The following NCKAP1L variants were observed in gnomAD, a reference collection of about 807,000 sequenced individuals.
NCKAP1L encodes the protein NCK associated protein 1 like, also known as nck-associated protein 1-like.
NCKAP1L carries 53 observed loss-of-function variants against 139.2 expected under a neutral mutation model. That is an observed-to-expected ratio of 0.38 (90% confidence interval 0.31 to 0.48). NCKAP1L has a LOEUF of 0.48. NCKAP1L is among the 20% of genes least tolerant of loss of function. The pLI, the probability that NCKAP1L is intolerant of heterozygous loss-of-function variation, is 0.98. For missense variants in NCKAP1L, 1,151 were observed against 1,381.9 expected, an observed-to-expected ratio of 0.83 and a Z score of 2.65; for synonymous variants, 468 against 499.7, an observed-to-expected ratio of 0.94 and a Z score of 0.85.
At chr12:54,538,652 A>G (rs1276433909) in intron 29 of NCKAP1L, among the ~76,000 whole-genome samples, 1 of 152,164 alleles carries the variant, frequency 6.6e-6, no homozygotes, top group East Asian at 1.9e-4. Context: ...TCTCTCCCCT[A>G]GCACTCCTGG....
chr12:54,520,907 T>C (rs1956977588), intron 17 of NCKAP1L, 81 bp downstream of exon 17: 1 of 1,590,010 alleles, frequency 6.3e-7, no homozygotes, highest in Non-Finnish European at 8.6e-7. Flanking sequence ...AGGGTTGATT[T>C]TGGTCCCAGA....
rs770857883 is a variant in NCKAP1L, at chr12:54,526,589, C to T, written c.2218C>T (p.Leu740=). 3.7e-6 allele frequency: 6 copies of T among 1,613,936 alleles called. No homozygotes were observed. In the East Asian group the frequency reaches 1.1e-4, roughly 30 times the overall value. The change falls in exon 21 of 31, where the codon CTG becomes TTG. Residue 740 remains leucine (L), a synonymous_variant. Transcript: ENST00000293373. ...TTQEIVRPSE[L]LAGVKAYIGF... ...CCAGGAGATCGTACGGCCTTCTGAG[C>T]TGTTGGCAGGAGTCAAAGCATACAT...
intron 13 of NCKAP1L, among the ~76,000 whole-genome samples, chr12:54,518,297 G>A (rs554321378): frequency 2.0e-5 from 3 of 151,710 alleles, no homozygotes; most frequent in East Asian, 3.9e-4. Context: ...AGCCGAGATC[G>A]CGCCACTGCA....
At chr12:54,510,077 C>G in intron 7 of NCKAP1L, 92 bp downstream of exon 7, 1 of 1,462,030 alleles carries the variant, frequency 6.8e-7, no homozygotes, top group Non-Finnish European at 9.3e-7. Context: ...AATATCAGTA[C>G]TAAAGAATGC....
rs113281443 is a variant in NCKAP1L, at chr12:54,504,260, T to C, written c.307-3593T>C. 9.2e-3 allele frequency among the ~76,000 whole-genome samples: 1,401 copies of C among 152,342 alleles called. 24 individuals are homozygous for C. Among genetic ancestry groups the C allele is most frequent in the African/African-American group, 0.032 (1,324 of 41,570 alleles). ...ACCCAAGCTTGTGGTGGTGTTATAG[T>C]ATTTTTTCAGATGATACAAGAATAA... On this transcript the variant is annotated intron_variant, in intron 3 of 30. Transcript: ENST00000293373.
chr12:54,499,456 A>C lies in NCKAP1L; in HGVS notation c.204A>C (p.Arg68=). Residue 68 remains arginine, a synonymous_variant, in exon 2 of 31, where the codon CGA becomes CGC. Coordinates refer to ENST00000293373, the MANE Select transcript of NCKAP1L (RefSeq NM_005337.5). ...AGAAATTTCCCAACATAGATGTCCG[A>C]AACAGCACGGTGAGAACTTGGTCCT... ...INKKFPNIDV[R]NSTQHLGPVH... 6.4e-7 allele frequency: 1 copy of C among 1,569,516 alleles called. No individual in the cohort carries two copies. The highest frequency in any genetic ancestry group is 8.8e-7 in the Non-Finnish European group (1 of 1,139,432).
At chr12:54,523,362 C>T (rs763827528) in intron 18 of NCKAP1L, 32 bp from the exon 19 acceptor site, 1 of 1,593,452 alleles carries the variant, frequency 6.3e-7, no homozygotes, top group East Asian at 2.2e-5. Flanking sequence ...AACAAATCCC[C>T]TTTCTCCATT....
intron 30 of NCKAP1L, 98 bp downstream of exon 30, chr12:54,539,071 C>A: frequency 9.8e-7 from 1 of 1,019,370 alleles, no homozygotes; most frequent in Non-Finnish European, 1.5e-6. Flanking sequence ...TCTTGTCACC[C>A]AAAAGCATTA....
Position 54,507,868 on chromosome 12 carries a change from C to A in NCKAP1L, c.322C>A (p.Leu108Ile), listed in dbSNP as rs753059427. ...CCACCCCCAGGATCATGTATATGAACTTCTCAACACCATTGATGCCTGCCA... is the reference window on the plus strand; with the variant it reads ...CCACCCCCAGGATCATGTATATGAAATTCTCAACACCATTGATGCCTGCCA... ...VMEFRDHVYE[L>I]LNTIDACQCH... is the part of the protein sequence containing the mutation. The change falls in exon 4 of 31, where the codon CTT becomes ATT. Residue 108 changes from leucine (L) to isoleucine (I), a missense_variant. Physicochemically the swap from Leu to Ile is conservative, Grantham distance 5 (BLOSUM62 2). Coordinates refer to ENST00000293373, the MANE Select transcript of NCKAP1L (RefSeq NM_005337.5). The A allele has an allele frequency of 6.7e-5, 108 of 1,613,834 alleles. No individual in the cohort carries two copies. Among genetic ancestry groups the A allele is most frequent in the Non-Finnish European group, 8.9e-5 (105 of 1,179,876 alleles).
intron 2 of NCKAP1L, among the ~76,000 whole-genome samples, chr12:54,499,877 G>C (rs1366560726): frequency 6.6e-6 from 1 of 152,086 alleles, no homozygotes; most frequent in Non-Finnish European, 1.5e-5. Flanking sequence ...GTTAACCCTA[G>C]ATTTTTCACC....
chr12:54,500,451 A>G (rs993936637), intron 2 of NCKAP1L, 82 bp from the exon 3 acceptor site: 2 of 974,808 alleles, frequency 2.1e-6, no homozygotes, highest in African/African-American at 1.6e-5. Flanking sequence ...TGTTTTAGGT[A>G]TAACCACTGT....
rs182536113 is a variant in NCKAP1L, at chr12:54,516,420, T to C, written c.998+125T>C. ...TTGCCTCAACCCAAGAACTTGCTGCTACCCCATAAATTCTTTTTTCTTTTC... is the reference window on the plus strand; with the variant it reads ...TTGCCTCAACCCAAGAACTTGCTGCCACCCCATAAATTCTTTTTTCTTTTC... On this transcript the variant is annotated intron_variant, in intron 10 of 30. Transcript: ENST00000293373. 55 of 820,828 alleles carry C rather than the reference T, an allele frequency of 6.7e-5. No homozygotes were observed. In the Admixed American group the frequency reaches 1.3e-3, roughly 19 times the overall value. 50.8% of individuals were successfully genotyped at this position (820,828 alleles called of 1,614,324 possible).
chr12:54,530,573 T>G (rs1957059993), intron 22 of NCKAP1L, among the ~76,000 whole-genome samples: 1 of 152,146 alleles, frequency 6.6e-6, no homozygotes, highest in Non-Finnish European at 1.5e-5. Flanking sequence ...AAACATACAA[T>G]AAACATCAGA....
At chr12:54,526,234 G>T (rs1957025065) in intron 20 of NCKAP1L, among the ~76,000 whole-genome samples, 1 of 152,198 alleles carries the variant, frequency 6.6e-6, no homozygotes, top group East Asian at 1.9e-4. Context: ...TCCAGAGGAG[G>T]AAGAAAAGCA....
chr12:54,499,415 C>G lies in NCKAP1L; in HGVS notation c.163C>G (p.Leu55Val). 6.2e-7 allele frequency: 1 copy of G among 1,612,926 alleles called. No homozygotes were observed. ...FLLEKSMEPS[L>V]KYINKKFPNI... ...ACTGGAAAAGTCCATGGAACCATCT[C>G]TCAAGTATATCAACAAGAAATTTCC... The change falls in exon 2 of 31, where the codon CTC becomes GTC. Residue 55 changes from leucine (L) to valine (V), a missense_variant. Physicochemically the swap from Leu to Val is conservative, Grantham distance 32. Transcript: ENST00000293373.
chr12:54,500,825 G>C (rs1445222483), intron 3 of NCKAP1L, 200 bp downstream of exon 3: 9 of 497,812 alleles, frequency 1.8e-5, no homozygotes, highest in Non-Finnish European at 3.2e-5. Context: ...TATTTTAAAA[G>C]AGTATGTATG....
intron 18 of NCKAP1L, 124 bp downstream of exon 18, chr12:54,521,362 G>C (rs1956982533): frequency 2.2e-6 from 3 of 1,345,492 alleles, no homozygotes; most frequent in Non-Finnish European, 3.0e-6. Flanking sequence ...TAGGGCTAGG[G>C]CCTTTCTGTA....
In NCKAP1L at chr12:54,517,793, C is replaced by G. The variant is rs1956946090; in HGVS notation, c.1206-13C>G. The G allele has an allele frequency of 2.5e-6, 4 of 1,613,838 alleles. No individual in the cohort carries two copies. In the Admixed American group the frequency reaches 5.0e-5, roughly 20 times the overall value. ...AGTCTTATTCATCTCTGTTCTCATCCTAAACTTTATAGGAGCATTGCAGAG... is the reference window on the plus strand; with the variant it reads ...AGTCTTATTCATCTCTGTTCTCATCGTAAACTTTATAGGAGCATTGCAGAG... On this transcript the variant is annotated splice_polypyrimidine_tract_variant and intron_variant, in intron 12 of 30. Transcript: ENST00000293373.
At chr12:54,518,482 A>G (rs1309245665) in intron 13 of NCKAP1L, 169 bp from the exon 14 acceptor site, 1 of 689,282 alleles carries the variant, frequency 1.5e-6, no homozygotes, top group Non-Finnish European at 2.6e-6. Context: ...TGGATGTTAG[A>G]ATGGCAGGGA....
Sources: gnomAD v4.1 joint callset for allele counts (sites outside exome capture counted in the v4.1 genomes callset) on GRCh38, gnomAD v4.1.1 for gene constraint, MANE v1.5 for transcripts, NCBI Gene and HGNC (gene_info 2026-07-23, HGNC 2026-07-21) for gene names.